IRX2: variants seen among roughly 807,000 people sequenced by gnomAD.
The protein encoded by IRX2 is iroquois homeobox 2.
In IRX2, 26 loss-of-function variants were observed where a neutral mutation model predicts 42.9. That is an observed-to-expected ratio of 0.61 (90% CI 0.44 to 0.84). The LOEUF (loss-of-function observed/expected upper bound fraction) is 0.84, where lower values mean the gene tolerates loss of function less well. IRX2 is among the 40% of genes least tolerant of loss of function. The pLI is 0.00. For missense variants in IRX2, 782 were observed against 713.9 expected, an observed-to-expected ratio of 1.10 and a Z score of -1.09; for synonymous variants, 424 against 353.9, an observed-to-expected ratio of 1.20 and a Z score of -2.22.
rs950423955 is a variant in IRX2, at chr5:2,748,469, C to G, written c.1239G>C (p.Ala413=). 1.0e-5 allele frequency: 16 copies of G among 1,573,284 alleles called. No homozygotes were observed. Among genetic ancestry groups the G allele is most frequent in the Non-Finnish European group, 8.6e-7 (1 of 1,162,944 alleles). Residue 413 remains alanine (A), a synonymous_variant, in exon 3 of 4, where the codon GCG becomes GCC. Coordinates refer to ENST00000302057, the MANE Select transcript of IRX2 (RefSeq NM_033267.5). ...QGQGLLRYNS[A]AAAPGEALHT... is the part of the protein sequence containing the mutation. ...GCAGGGCCTCGCCGGGGGCCGCGGCCGCAGAGTTGTACCGCAGGAGACCCT... is the reference window on the plus strand; with the variant it reads ...GCAGGGCCTCGCCGGGGGCCGCGGCGGCAGAGTTGTACCGCAGGAGACCCT...
Position 2,751,110 on chromosome 5 carries a change from G to GC in IRX2, c.249+54dup. 8.3e-7 allele frequency: 1 copy of GC among 1,208,026 alleles called. No individual in the cohort carries two copies. The highest frequency in any genetic ancestry group is 1.0e-6 in the Non-Finnish European group (1 of 972,060). 74.8% of individuals were successfully genotyped at this position (1,208,026 alleles called of 1,614,324 possible). A position where few individuals can be genotyped will look rare whatever the true frequency, so the allele number is the denominator to read the frequency against. On this transcript the variant is annotated intron_variant, in intron 1 of 3. Transcript: ENST00000302057. This position sits in a 1 kb window ranked among gnomAD's most constrained non-coding sequence, Gnocchi z 4.0. ...CGAACCCGAGCCCCGCTCCGCCTGA[G>GC]CCCCGTCTGGGTCCCGGCGCCCAGG...
At chr5:2,744,309 GTGTT>G (rs1737611606), downstream of IRX2, among the ~76,000 whole-genome samples, 1 of 152,084 alleles carries the variant, frequency 6.6e-6, no homozygotes, top group African/African-American at 2.4e-5. Context: ...TGATCTTTCC[GTGTT>G]TATTTTGTTA....
At chr5:2,743,509 G>A (rs899000582), downstream of IRX2, among the ~76,000 whole-genome samples, 4 of 135,744 alleles carry the variant, frequency 2.9e-5, no homozygotes, top group Non-Finnish European at 6.4e-5. Flanking sequence ...GGGCTGTCGC[G>A]GATCCACCAC....
rs1268214567 is a variant in IRX2 at position 2,749,046 on chromosome 5, C to A, written c.662G>T (p.Ser221Ile). ...ATCCGTGAGCGAGTCCACGTGCAGG[C>A]TGATCCCTGTGGGGGCGCGGGCACG... is the stretch of plus-strand genomic sequence containing the variant. ...TETSAEDEGI[S>I]LHVDSLTDHS... The change falls in exon 3 of 4, where the codon AGC becomes ATC. Residue 221 changes from serine (S) to isoleucine (I), a missense_variant. By Grantham distance (142) the Ser-to-Ile change is moderately radical (BLOSUM62 -2). Transcript: ENST00000302057. 1 of 1,596,662 alleles carries A rather than the reference C, an allele frequency of 6.3e-7. No individual in the cohort carries two copies.
Position 2,747,625 on chromosome 5 carries a change from G to T in IRX2, c.1364-9C>A. On this transcript the variant is annotated splice_polypyrimidine_tract_variant and intron_variant, in intron 3 of 3. Coordinates refer to ENST00000302057, the MANE Select transcript of IRX2 (RefSeq NM_033267.5). Reference sequence around the variant, plus strand: ...GCAGCCCTCGCTGGCATCTGTCAGGGGAGTGGGCAGTTAGTCAGAACCGAC... The same window carrying T: ...GCAGCCCTCGCTGGCATCTGTCAGGTGAGTGGGCAGTTAGTCAGAACCGAC... 1.9e-6 allele frequency: 3 copies of T among 1,613,764 alleles called. No individual in the cohort carries two copies. Among genetic ancestry groups the T allele is most frequent in the Non-Finnish European group, 1.7e-6 (2 of 1,179,862 alleles).
intron 1 of IRX2, among the ~76,000 whole-genome samples, chr5:2,750,913 G>A (rs964616354): frequency 2.4e-4 from 36 of 152,130 alleles, no homozygotes; most frequent in African/African-American, 8.4e-4. Flanking sequence ...AAATCAGCCG[G>A]CGAGCCGAGG....
the IRX2 span, among the ~76,000 whole-genome samples, chr5:2,738,635 A>G: frequency 2.0e-5 from 3 of 152,220 alleles, no homozygotes; most frequent in Middle Eastern, 3.4e-3. Flanking sequence ...AATGGCAGAA[A>G]GGATGGGGCT....
chr5:2,751,098 C>T lies in IRX2; in HGVS notation c.249+67G>A, dbSNP rs1737946715. On this transcript the variant is annotated intron_variant, in intron 1 of 3. Transcript: ENST00000302057. This position sits in a 1 kb window ranked among gnomAD's most constrained non-coding sequence, Gnocchi z 4.0. ...GCCCCCGCCCGCCGAACCCGAGCCC[C>T]GCTCCGCCTGAGCCCCGTCTGGGTC... 5 of 1,196,756 alleles carry T rather than the reference C, an allele frequency of 4.2e-6. No homozygotes were observed. The highest frequency in any genetic ancestry group is 5.2e-6 in the Non-Finnish European group (5 of 965,388). The allele number at this position is 1,196,756 out of a possible 1,614,324, so 74.1% of individuals were successfully genotyped here. A position where few individuals can be genotyped will look rare whatever the true frequency, so the allele number is the denominator to read the frequency against.
Position 2,748,351 on chromosome 5 carries a change from T to C in IRX2, c.1357A>G (p.Lys453Glu). Residue 453 changes from lysine to glutamate, a missense_variant, in exon 3 of 4, where the codon AAG (lysine) becomes GAG (glutamate). This residue lies in a region of IRX2 where 520 missense variants were observed against 437.8 expected (regional missense o/e 1.19). Transcript: ENST00000302057. ...YRSPGGGYEP[K>E]KDASEGCTVV... ...CCGGCCGCGGGCCGCCTACCTTTCT[T>C]GGGCTCGTAGCCGCCGCCCGGGGAC... 10 of 1,443,454 alleles carry C rather than the reference T, an allele frequency of 6.9e-6. No homozygotes were observed. Among genetic ancestry groups the C allele is most frequent in the Non-Finnish European group, 9.0e-6 (10 of 1,107,754 alleles). The allele number at this position is 1,443,454 out of a possible 1,614,324, so 89.4% of individuals were successfully genotyped here.
chr5:2,738,329 T>A, the IRX2 span, among the ~76,000 whole-genome samples: 2 of 152,226 alleles, frequency 1.3e-5, no homozygotes, highest in African/African-American at 4.8e-5. Flanking sequence ...GGGCCCATTA[T>A]CATGAAGGGC....
At position 2,751,393 on chromosome 5, in the gene IRX2, G is replaced by A; in HGVS notation, c.21C>T (p.Tyr7=). ...CCAGCGAGCCGGGCGCCTGGTACAGGTAGCCCTGCGGGTAGGACATGGTGG... is the reference window on the plus strand; with the variant it reads ...CCAGCGAGCCGGGCGCCTGGTACAGATAGCCCTGCGGGTAGGACATGGTGG... MSYPQG[Y]LYQAPGSLAL... The change falls in exon 1 of 4, where the codon TAC becomes TAT. Residue 7 remains tyrosine (Y), a synonymous_variant. Coordinates refer to ENST00000302057, the MANE Select transcript of IRX2 (RefSeq NM_033267.5). This position sits in a 1 kb window ranked among gnomAD's most constrained non-coding sequence, Gnocchi z 4.0. The A allele has an allele frequency of 7.1e-7, 1 of 1,408,938 alleles. No homozygotes were observed. 87.3% of individuals were successfully genotyped at this position (1,408,938 alleles called of 1,614,324 possible). A position where few individuals can be genotyped will look rare whatever the true frequency, so the allele number is the denominator to read the frequency against.
At chr5:2,740,181 G>T in the IRX2 span, among the ~76,000 whole-genome samples, 1 of 145,308 alleles carries the variant, frequency 6.9e-6, no homozygotes, top group South Asian at 2.2e-4. Context: ...GTCGTGGCGT[G>T]CGGGGGCGGG....
At chr5:2,743,914 G>T (rs1387942202), downstream of IRX2, among the ~76,000 whole-genome samples, 1 of 152,158 alleles carries the variant, frequency 6.6e-6, no homozygotes, top group East Asian at 1.9e-4. Context: ...TCTCTAGAAG[G>T]AAATTCAGGT....
the IRX2 span, among the ~76,000 whole-genome samples, chr5:2,736,300 T>G: frequency 2.0e-5 from 3 of 152,194 alleles, no homozygotes; most frequent in African/African-American, 7.2e-5. Flanking sequence ...ATCTCCCAAA[T>G]GTATGCCCTT....
At position 2,751,191 on chromosome 5, in the gene IRX2, C is replaced by T. The variant is rs1737954690; in HGVS notation, c.223G>A (p.Ala75Thr). Residue 75 changes from alanine to threonine, a missense_variant, in exon 1 of 4, where the codon GCC (alanine) becomes ACC (threonine). Coordinates refer to ENST00000302057, the MANE Select transcript of IRX2 (RefSeq NM_033267.5). The surrounding 1 kb of genome is among the most constrained non-coding windows in gnomAD (Gnocchi z 4.0). ...ATGTAGGACGGGAAGCCGGCGGCGG[C>T]GGCGGCGGCGTCGGCCGAGTACTGC... Reference protein sequence around the residue: ...PLQYSADAAAAAAGFPSYMGA... With the variant: ...PLQYSADAAATAAGFPSYMGA... The T allele has an allele frequency of 5.5e-6, 7 of 1,269,756 alleles. No homozygotes were observed. The highest frequency in any genetic ancestry group is 5.0e-6 in the Non-Finnish European group (5 of 1,010,028). 78.7% of individuals were successfully genotyped at this position (1,269,756 alleles called of 1,614,324 possible). A position where few individuals can be genotyped will look rare whatever the true frequency, so the allele number is the denominator to read the frequency against.
chr5:2,751,677 T>A lies in IRX2; in HGVS notation c.-264A>T. ...GTTTGGGGGAGTCTGGAGTCGGGAG[T>A]GAGGAGTTGAGGAAGGAGCGCTCGA... On this transcript the variant is annotated 5_prime_UTR_variant, in exon 1 of 4. Coordinates refer to ENST00000302057, the MANE Select transcript of IRX2 (RefSeq NM_033267.5). The surrounding 1 kb of genome is among the most constrained non-coding windows in gnomAD (Gnocchi z 4.0). 1 of 147,452 alleles carries A rather than the reference T, an allele frequency of 6.8e-6. No individual in the cohort carries two copies. The highest frequency in any genetic ancestry group is 2.0e-4 in the East Asian group (1 of 4,908). The allele number at this position is 147,452 out of a possible 1,614,324, so 9.1% of individuals were successfully genotyped here. A position where few individuals can be genotyped will look rare whatever the true frequency, so the allele number is the denominator to read the frequency against.
At chr5:2,744,920 G>A (rs967445897), downstream of IRX2, among the ~76,000 whole-genome samples, 1 of 152,214 alleles carries the variant, frequency 6.6e-6, no homozygotes, top group South Asian at 2.1e-4. Flanking sequence ...CAGTCCCCTG[G>A]CTTGGCCTCA....
chr5:2,740,502 T>C, the IRX2 span, among the ~76,000 whole-genome samples: 342 of 152,172 alleles, frequency 2.2e-3, 2 homozygotes, highest in African/African-American at 7.7e-3. Flanking sequence ...GAAATGGGCC[T>C]AGAGGTGAAG....
rs1579634023 is a variant in IRX2 at position 2,751,450 on chromosome 5, C to T, written c.-37G>A. 1.7e-6 allele frequency: 2 copies of T among 1,186,166 alleles called. No individual in the cohort carries two copies. The highest frequency in any genetic ancestry group is 2.1e-6 in the Non-Finnish European group (2 of 959,366). The allele number at this position is 1,186,166 out of a possible 1,614,324, so 73.5% of individuals were successfully genotyped here. A position where few individuals can be genotyped will look rare whatever the true frequency, so the allele number is the denominator to read the frequency against. On this transcript the variant is annotated 5_prime_UTR_variant, in exon 1 of 4. Coordinates refer to ENST00000302057, the MANE Select transcript of IRX2 (RefSeq NM_033267.5). This position sits in a 1 kb window ranked among gnomAD's most constrained non-coding sequence, Gnocchi z 4.0. ...GGCGCGGGGCCCGCGTCACGCCGAG[C>T]AGCGGGCAGGGCGCGCGGCGCCCTC...
Sources: gnomAD v4.1 joint callset for allele counts (sites outside exome capture counted in the v4.1 genomes callset) on GRCh38, gnomAD v4.1.1 for gene constraint, gnomAD v4.1.1 regional missense constraint, Gnocchi (gnomAD v3.1) non-coding constraint, MANE v1.5 for transcripts, NCBI Gene and HGNC (gene_info 2026-07-23, HGNC 2026-07-21) for gene names.